The following COL6A2 variants were observed in gnomAD, a reference collection of about 807,000 sequenced individuals.
The protein encoded by COL6A2 is collagen alpha-2(VI) chain.
In COL6A2, 90 loss-of-function variants were observed where a neutral mutation model predicts 124.9. That is an observed-to-expected ratio of 0.72 (90% CI 0.61 to 0.86). COL6A2 has a LOEUF of 0.86. COL6A2 is among the 40% of genes least tolerant of loss of function. The pLI is 0.00. For missense variants in COL6A2, 1,607 were observed against 1,502.5 expected (o/e 1.07, Z -1.15); for synonymous variants, 793 against 618.2 (o/e 1.28, Z -4.19).
At chr21:46,101,555 T>C (rs898722910) in intron 1 of COL6A2, among the ~76,000 whole-genome samples, 5 of 152,214 alleles carry the variant, frequency 3.3e-5, no homozygotes, top group African/African-American at 1.2e-4. Context: ...TAAAGATCCA[T>C]TTTGAGTTAA....
At chr21:46,104,762 A>G (rs2078319993) in intron 1 of COL6A2, among the ~76,000 whole-genome samples, 1 of 152,258 alleles carries the variant, frequency 6.6e-6, no homozygotes, top group Non-Finnish European at 1.5e-5. Context: ...ACCCAAAGAC[A>G]AAGATTTTGA....
In COL6A2 at chr21:46,116,611, G is replaced by C. The variant is rs765404259; in HGVS notation, c.928-40G>C. 6.2e-7 allele frequency: 1 copy of C among 1,612,696 alleles called. No individual in the cohort carries two copies. Among genetic ancestry groups the C allele is most frequent in the Non-Finnish European group, 8.5e-7 (1 of 1,179,884 alleles). ...GAGGCAGCAGTGCCCATGATGCTTT[G>C]AGGCACCGAGCTCACTGCGCCGGCT... On this transcript the variant is annotated intron_variant, in intron 8 of 27. Coordinates refer to ENST00000300527, the MANE Select transcript of COL6A2 (RefSeq NM_001849.4). The surrounding 1 kb of genome is among the most constrained non-coding windows in gnomAD (Gnocchi z 4.6).
intron 21 of COL6A2, among the ~76,000 whole-genome samples, chr21:46,123,571 TGAGTGAATAGAA>T (rs1214746010): frequency 5.3e-5 from 8 of 150,900 alleles, no homozygotes; most frequent in African/African-American, 9.8e-5. Context: ...GATGGATGGA[TGAGTGAATAGAA>T]GAGTGGGTGG....
chr21:46,121,053 T>C lies in COL6A2; in HGVS notation c.1396-8T>C, dbSNP rs772130855. The stretch of plus-strand genomic sequence containing the variant: ...AAGAGAACCCCAAATTCCTCCCCTT[T>C]CTTCCAGGGAGACCGAGGCTTGCCT... On this transcript the variant is annotated splice_region_variant and splice_polypyrimidine_tract_variant and intron_variant, in intron 16 of 27. Coordinates refer to ENST00000300527, the MANE Select transcript of COL6A2 (RefSeq NM_001849.4). 8.7e-6 allele frequency: 14 copies of C among 1,612,508 alleles called. No individual in the cohort carries two copies. The highest frequency in any genetic ancestry group is 1.1e-5 in the Non-Finnish European group (13 of 1,179,830).
intron 27 of COL6A2, chr21:46,129,714 C>T: frequency 1.4e-6 from 2 of 1,409,662 alleles, no homozygotes; most frequent in Non-Finnish European, 9.2e-7. Flanking sequence ...CTCCGTCTTC[C>T]TGTGGCCGCT....
intron 13 of COL6A2, 73 bp from the exon 14 acceptor site, chr21:46,118,957 A>ACACACCG: frequency 4.1e-6 from 5 of 1,229,748 alleles, no homozygotes; most frequent in South Asian, 3.7e-5. Context: ...GCTCCACACC[A>ACACACCG]CACACCGCAC....
rs772894756 is a variant in COL6A2, at chr21:46,132,265, A to C, written c.2773A>C (p.Ile925Leu). Residue 925 changes from isoleucine (I) to leucine (L), a missense_variant, in exon 28 of 28, where the codon ATC becomes CTC. Physicochemically the swap from Ile to Leu is conservative, Grantham distance 5. Around this residue, in one of 3 missense-constraint regions of COL6A2, gnomAD observed 1,223 missense variants for 1,052.2 expected, o/e 1.16. Coordinates refer to ENST00000300527, the MANE Select transcript of COL6A2 (RefSeq NM_001849.4). ...CGTGGGCGCAGGCGTGGTGCACGCC[A>C]TCAATGCCATCGTGCGCAGCCCGCG... Reference protein sequence around the residue: ...SHVGAGVVHAINAIVRSPRGG... With the variant: ...SHVGAGVVHALNAIVRSPRGG... 14 of 1,606,456 alleles carry C rather than the reference A, an allele frequency of 8.7e-6. No homozygotes were observed. The highest frequency in any genetic ancestry group is 2.2e-5 in the East Asian group (1 of 44,750).
chr21:46,131,076 C>A (rs1468827105), intron 27 of COL6A2, among the ~76,000 whole-genome samples: 3 of 152,206 alleles, frequency 2.0e-5, no homozygotes, highest in Non-Finnish European at 2.9e-5. Context: ...CATGTACCAG[C>A]TGTGACGACG....
chr21:46,113,106 C>T (rs1273179409), intron 4 of COL6A2, among the ~76,000 whole-genome samples: 2 of 152,180 alleles, frequency 1.3e-5, no homozygotes, highest in African/African-American at 2.4e-5. Context: ...GATCCATCCA[C>T]CCTGGACTCG....
At position 46,118,785 on chromosome 21, in the gene COL6A2, T is replaced by C. The variant is rs868750293; in HGVS notation, c.1179+109T>C. 14 of 1,339,238 alleles carry C rather than the reference T, an allele frequency of 1.0e-5. No individual in the cohort carries two copies. In the Middle Eastern group the frequency reaches 5.3e-4, roughly 51 times the overall value. The allele number at this position is 1,339,238 out of a possible 1,614,324, so 83.0% of individuals were successfully genotyped here. A position where few individuals can be genotyped will look rare whatever the true frequency, so the allele number is the denominator to read the frequency against. On this transcript the variant is annotated intron_variant, in intron 13 of 27. Transcript: ENST00000300527. ...TCTCTGCTGTCACCATGGTGCCGCA[T>C]TGGGCTCTGGGGACACGGGGAGGGA... is the stretch of plus-strand genomic sequence containing the variant.
intron 27 of COL6A2, among the ~76,000 whole-genome samples, chr21:46,127,704 CTG>C (rs1042047143): frequency 1.4e-5 from 2 of 142,854 alleles, no homozygotes; most frequent in African/African-American, 5.2e-5. Context: ...GCGATGGTCA[CTG>C]TGGGTGCTTT....
At chr21:46,123,292 C>T (rs536979603) in intron 21 of COL6A2, among the ~76,000 whole-genome samples, 2 of 150,628 alleles carry the variant, frequency 1.3e-5, no homozygotes, top group South Asian at 2.1e-4. Context: ...CATAGCATCC[C>T]CTCCAGAGTC....
intron 1 of COL6A2, among the ~76,000 whole-genome samples, chr21:46,106,208 TAAC>T (rs1300445422): frequency 1.3e-5 from 2 of 152,236 alleles, no homozygotes; most frequent in Non-Finnish European, 2.9e-5. Flanking sequence ...ATGCACCTAA[TAAC>T]AGTCCATCAA....
In COL6A2 at chr21:46,119,802, C is replaced by A. The variant is rs753615575; in HGVS notation, c.1284C>A (p.Asp428Glu). The A allele has an allele frequency of 6.4e-7, 1 of 1,563,650 alleles. No individual in the cohort carries two copies. The highest frequency in any genetic ancestry group is 8.7e-7 in the Non-Finnish European group (1 of 1,153,694). ...GTTCTCTGCAGGGGCGCAGGGGAGA[C>A]CCCGGCACCAAGGGCAGCCCAGGCA... Reference protein sequence around the residue: ...GPKGEPGRRGDPGTKGSPGSD... With the variant: ...GPKGEPGRRGEPGTKGSPGSD... Residue 428 changes from aspartate to glutamate, a missense_variant, in exon 15 of 28, where the codon GAC (aspartate) becomes GAA (glutamate). Physicochemically the swap from Asp to Glu is conservative, Grantham distance 45 (BLOSUM62 2). Around this residue, in one of 3 missense-constraint regions of COL6A2, gnomAD observed 1,223 missense variants for 1,052.2 expected, o/e 1.16. Coordinates refer to ENST00000300527, the MANE Select transcript of COL6A2 (RefSeq NM_001849.4).
intron 17 of COL6A2, 98 bp downstream of exon 17, chr21:46,121,221 C>A: frequency 8.3e-7 from 1 of 1,206,876 alleles, no homozygotes; most frequent in Non-Finnish European, 1.2e-6. Context: ...GTCCCCATAG[C>A]AAACCCAGGC....
intron 1 of COL6A2, among the ~76,000 whole-genome samples, chr21:46,101,178 T>C (rs553564411): frequency 1.3e-5 from 2 of 152,374 alleles, no homozygotes; most frequent in South Asian, 4.1e-4. Flanking sequence ...GAGCATCTTT[T>C]CATGTGCTTG....
intron 5 of COL6A2, among the ~76,000 whole-genome samples, chr21:46,114,737 T>C (rs1389486790): frequency 6.6e-6 from 1 of 152,152 alleles, no homozygotes; most frequent in East Asian, 1.9e-4. Context: ...TCCCCTGCAT[T>C]TTCTGGTTTG....
intron 20 of COL6A2, 82 bp downstream of exon 20, chr21:46,122,613 C>A: frequency 6.8e-7 from 1 of 1,471,392 alleles, no homozygotes; most frequent in Non-Finnish European, 9.5e-7. Flanking sequence ...TGCCCACCGT[C>A]ACTGACAGGA....
intron 27 of COL6A2, among the ~76,000 whole-genome samples, chr21:46,128,749 C>G (rs2078713423): frequency 6.6e-6 from 1 of 152,232 alleles, no homozygotes; most frequent in African/African-American, 2.4e-5. Flanking sequence ...GAAGACAGTT[C>G]TGGGTGTAGA....
Sources: gnomAD v4.1 joint callset for allele counts (sites outside exome capture counted in the v4.1 genomes callset) on GRCh38, gnomAD v4.1.1 for gene constraint, gnomAD v4.1.1 regional missense constraint, Gnocchi (gnomAD v3.1) non-coding constraint, MANE v1.5 for transcripts, NCBI Gene and HGNC (gene_info 2026-07-23, HGNC 2026-07-21) for gene names.